Variants in MAP3K2 observed in about 807,000 individuals in gnomAD.
The protein encoded by MAP3K2 is mitogen-activated protein kinase kinase kinase 2, also known as MAP/ERK kinase kinase 2.
Under a neutral mutation model 80.3 loss-of-function variants are expected in MAP3K2, and 24 were observed. The ratio of observed to expected loss-of-function variants is 0.30; its 90% CI spans 0.22 to 0.42. MAP3K2 has a LOEUF of 0.42. Ranked by LOEUF, MAP3K2 falls within the 10% of genes least tolerant of loss-of-function variation. The probability of loss-of-function intolerance (pLI) is 1.00; values close to 1 mark genes in which losing one functional copy is unlikely to be tolerated. For synonymous variants in MAP3K2, 244 were observed against 253.7 expected (o/e 0.96, Z 0.36); for missense variants, 608 against 750.1 (o/e 0.81, Z 2.21).
At chr2:127,332,507 TACA>T (rs1218718164) in intron 5 of MAP3K2, among the ~76,000 whole-genome samples, 1 of 152,242 alleles carries the variant, frequency 6.6e-6, no homozygotes, top group Non-Finnish European at 1.5e-5. Context: ...GGCACTTGCC[TACA>T]GACCTAATGT....
chr2:127,327,290 G>A (rs1002574390), intron 7 of MAP3K2, among the ~76,000 whole-genome samples: 83 of 152,140 alleles, frequency 5.5e-4, no homozygotes, highest in African/African-American at 1.8e-3. Context: ...AAACATTTTA[G>A]CCTTATGTAA....
intron 5 of MAP3K2, among the ~76,000 whole-genome samples, chr2:127,333,098 C>T (rs1464590793): frequency 6.7e-6 from 1 of 148,670 alleles, no homozygotes; most frequent in Non-Finnish European, 1.5e-5. Flanking sequence ...TGCCTCTGTA[C>T]TACAGCCTGG....
chr2:127,326,110 T>C (rs1455971860), intron 8 of MAP3K2, among the ~76,000 whole-genome samples: 1 of 152,048 alleles, frequency 6.6e-6, no homozygotes, highest in Non-Finnish European at 1.5e-5. Flanking sequence ...ATTGACTAAA[T>C]AATTAAAAGC....
intron 1 of MAP3K2, among the ~76,000 whole-genome samples, chr2:127,377,531 G>A (rs1327689425): frequency 1.3e-5 from 2 of 152,158 alleles, no homozygotes; most frequent in Non-Finnish European, 2.9e-5. Context: ...TGTGGAGGCA[G>A]TGGGAATGTT....
rs1685596471 is a variant in MAP3K2 at position 127,301,733 on chromosome 2, CTG to C, written c.*5844_*5845del. On this transcript the variant is annotated 3_prime_UTR_variant, in exon 17 of 17. Coordinates refer to ENST00000682094, the MANE Select transcript of MAP3K2 (RefSeq NM_001371910.2). ...TATGAAAAATAAGAATTCTATGAGA[CTG>C]TATACAGGCAACAGATAAAATCTAT... is the stretch of plus-strand genomic sequence containing the variant. 6.6e-6 allele frequency: 1 copy of C among 152,184 alleles called. No individual in the cohort carries two copies. Among genetic ancestry groups the C allele is most frequent in the African/African-American group, 2.4e-5 (1 of 41,458 alleles). The allele number at this position is 152,184 out of a possible 1,614,324, so 9.4% of individuals were successfully genotyped here.
chr2:127,346,708 G>A (rs62157554), intron 1 of MAP3K2, among the ~76,000 whole-genome samples: 2,205 of 151,650 alleles, frequency 0.015, 21 homozygotes, highest in Non-Finnish European at 0.019. Context: ...CAAAAACCAG[G>A]CAGGCACAGT....
chr2:127,301,106 T>C lies in MAP3K2; in HGVS notation c.*6473A>G, dbSNP rs372427888. The C allele has an allele frequency of 1.2e-4, 19 of 152,352 alleles. No individual in the cohort carries two copies. Among genetic ancestry groups the C allele is most frequent in the Non-Finnish European group, 2.5e-4 (17 of 68,032 alleles). The allele number at this position is 152,352 out of a possible 1,614,324, so 9.4% of individuals were successfully genotyped here. ...CTGCATTAAGGGATTCAGAAATTATTTGGGGACAAGTCCTGTACATATAGT... is the reference window on the plus strand; with the variant it reads ...CTGCATTAAGGGATTCAGAAATTATCTGGGGACAAGTCCTGTACATATAGT... On this transcript the variant is annotated 3_prime_UTR_variant, in exon 17 of 17. Coordinates refer to ENST00000682094, the MANE Select transcript of MAP3K2 (RefSeq NM_001371910.2).
In MAP3K2 at chr2:127,350,928, T is replaced by C. The variant is rs893585571; in HGVS notation, c.-65-7734A>G. On this transcript the variant is annotated intron_variant, in intron 1 of 16. Transcript: ENST00000682094. Reference sequence around the variant, plus strand: ...AAAGTGCCAACTGGTAAGGTAACACTGAGAAGAATACCACATCACCTCTGT... The same window carrying C: ...AAAGTGCCAACTGGTAAGGTAACACCGAGAAGAATACCACATCACCTCTGT... Among the ~76,000 whole-genome samples, 56 of 152,244 alleles carry C rather than the reference T, an allele frequency of 3.7e-4. 2 individuals carry two copies. Among genetic ancestry groups the C allele is most frequent in the African/African-American group, 1.3e-3 (55 of 41,514 alleles).
chr2:127,325,696 A>C (rs747110582), intron 9 of MAP3K2, 32 bp downstream of exon 9: 3 of 1,545,004 alleles, frequency 1.9e-6, no homozygotes, highest in East Asian at 2.2e-5. Context: ...AAATAAACAA[A>C]TAAACCCTCC....
chr2:127,333,213 C>T (rs2104835809), intron 5 of MAP3K2, among the ~76,000 whole-genome samples: 1 of 151,450 alleles, frequency 6.6e-6, no homozygotes, highest in South Asian at 2.1e-4. Flanking sequence ...TTGAACACCT[C>T]CACATCCAAC....
rs76518682 is a variant in MAP3K2 at position 127,342,919 on chromosome 2, C to T, written c.4+207G>A. Among the ~76,000 whole-genome samples, 1,257 of 152,216 alleles carry T rather than the reference C, an allele frequency of 8.3e-3. 27 individuals carry two copies. Among genetic ancestry groups the T allele is most frequent in the African/African-American group, 0.029 (1,193 of 41,510 alleles). ...CTTATTTTGAATGTCCCTGCTGTTA[C>T]GCATAAAATGATCATTCTAAAACTA... On this transcript the variant is annotated intron_variant, in intron 2 of 16. Transcript: ENST00000682094.
At position 127,339,610 on chromosome 2, in the gene MAP3K2, G is replaced by C. The variant is rs976911983; in HGVS notation, c.5-560C>G. Among the ~76,000 whole-genome samples the C allele has an allele frequency of 1.3e-5, 2 of 152,130 alleles. No homozygotes were observed. The highest frequency in any genetic ancestry group is 4.8e-5 in the African/African-American group (2 of 41,432). On this transcript the variant is annotated intron_variant, in intron 2 of 16. Transcript: ENST00000682094. The surrounding 1 kb of genome is among the most constrained non-coding windows in gnomAD (Gnocchi z 4.2). ...ATAAGGTTTGACAAGACTAAAAACAGACTATTTAAAGATCTTGGCCAGCAA... is the reference window on the plus strand; with the variant it reads ...ATAAGGTTTGACAAGACTAAAAACACACTATTTAAAGATCTTGGCCAGCAA...
intron 15 of MAP3K2, among the ~76,000 whole-genome samples, chr2:127,313,409 G>C (rs1685844711): frequency 6.6e-6 from 1 of 152,180 alleles, no homozygotes; most frequent in South Asian, 2.1e-4. Flanking sequence ...CATCTTTTCA[G>C]ACTTACTCTA....
At chr2:127,325,297 A>C (rs1342835795) in intron 9 of MAP3K2, among the ~76,000 whole-genome samples, 1 of 152,194 alleles carries the variant, frequency 6.6e-6, no homozygotes, top group African/African-American at 2.4e-5. Context: ...ACAAGTACCA[A>C]TTCTATTCCT....
At chr2:127,327,594 G>C (rs1228831537) in intron 7 of MAP3K2, among the ~76,000 whole-genome samples, 1 of 148,752 alleles carries the variant, frequency 6.7e-6, no homozygotes, top group Admixed American at 6.7e-5. Context: ...TGAAAATTTT[G>C]TCTCCTTATT....
Position 127,306,404 on chromosome 2 carries a change from G to A in MAP3K2, c.*1175C>T, listed in dbSNP as rs2104801054. ...CCCTCCAATTGTGACAACCGGAAAT[G>A]TCTCTAAGAATTGCCAAATGCCTAG... is the stretch of plus-strand genomic sequence containing the variant. On this transcript the variant is annotated 3_prime_UTR_variant, in exon 17 of 17. Coordinates refer to ENST00000682094, the MANE Select transcript of MAP3K2 (RefSeq NM_001371910.2). The surrounding 1 kb of genome is among the most constrained non-coding windows in gnomAD (Gnocchi z 4.7). 1 of 152,250 alleles carries A rather than the reference G, an allele frequency of 6.6e-6. No homozygotes were observed. The highest frequency in any genetic ancestry group is 2.4e-5 in the African/African-American group (1 of 41,534). The allele number at this position is 152,250 out of a possible 1,614,324, so 9.4% of individuals were successfully genotyped here.
chr2:127,314,781 T>C lies in MAP3K2; in HGVS notation c.1429A>G (p.Asn477Asp), dbSNP rs760377757. The change falls in exon 15 of 17, where the codon AAT (asparagine) becomes GAT (aspartate). Residue 477 changes from asparagine to aspartate, a missense_variant. Physicochemically the swap from Asn to Asp is conservative, Grantham distance 23. Around this residue, in one of 4 missense-constraint regions of MAP3K2, gnomAD observed 88 missense variants for 132.4 expected, o/e 0.66. Transcript: ENST00000682094. ...TTGATATCTCTATGGACAATCATAT[T>C]ACTGTGCAAATAATGGACACCCTCC... ...ILEGVHYLHS[N>D]MIVHRDIKGA... The C allele has an allele frequency of 6.2e-7, 1 of 1,610,062 alleles. No individual in the cohort carries two copies. The highest frequency in any genetic ancestry group is 8.5e-7 in the Non-Finnish European group (1 of 1,176,450).
intron 1 of MAP3K2, among the ~76,000 whole-genome samples, chr2:127,354,206 A>C (rs1318912552): frequency 5.4e-5 from 7 of 130,020 alleles, no homozygotes; most frequent in Non-Finnish European, 1.1e-4. Context: ...CCTGCCAAAT[A>C]CCCCTCTGCG....
At position 127,321,971 on chromosome 2, in the gene MAP3K2, TTTA is replaced by T; in HGVS notation, c.1045+72_1045+74del. ...TCTGACCCCAAAAACTCACTTAGTA[TTTA>T]TTCCTTTTAATAATATAAAATTCTG... On this transcript the variant is annotated intron_variant, in intron 12 of 16. Transcript: ENST00000682094. The surrounding 1 kb of genome is among the most constrained non-coding windows in gnomAD (Gnocchi z 4.4). The T allele has an allele frequency of 7.6e-7, 1 of 1,312,044 alleles. No homozygotes were observed. The highest frequency in any genetic ancestry group is 1.1e-6 in the Non-Finnish European group (1 of 933,130). 81.3% of individuals were successfully genotyped at this position (1,312,044 alleles called of 1,614,324 possible). A position where few individuals can be genotyped will look rare whatever the true frequency, so the allele number is the denominator to read the frequency against.
Sources: gnomAD v4.1 joint callset for allele counts (sites outside exome capture counted in the v4.1 genomes callset) on GRCh38, gnomAD v4.1.1 for gene constraint, gnomAD v4.1.1 regional missense constraint, Gnocchi (gnomAD v3.1) non-coding constraint, MANE v1.5 for transcripts, NCBI Gene and HGNC (gene_info 2026-07-23, HGNC 2026-07-21) for gene names.